The following IGF2BP1 variants were observed in gnomAD, a reference collection of about 807,000 sequenced individuals.
IGF2BP1 encodes the protein insulin-like growth factor 2 mRNA-binding protein 1.
A neutral mutation model predicts 74.9 loss-of-function variants in IGF2BP1; 11 were observed. The observed-to-expected ratio is 0.15, with a 90% CI of 0.09 to 0.24. The LOEUF (loss-of-function observed/expected upper bound fraction) is 0.24, where lower values mean the gene tolerates loss of function less well. Ranked by LOEUF, IGF2BP1 falls within the 10% of genes least tolerant of loss-of-function variation. The probability of loss-of-function intolerance (pLI) is 1.00; values close to 1 mark genes in which losing one functional copy is unlikely to be tolerated. For missense variants in IGF2BP1, 440 were observed against 757.4 expected (o/e 0.58, Z 4.92); for synonymous variants, 287 against 281.8 (o/e 1.02, Z -0.18).
At chr17:49,026,596 T>C (rs2041856878) in intron 4 of IGF2BP1, 79 bp downstream of exon 4, 1 of 1,217,096 alleles carries the variant, frequency 8.2e-7, no homozygotes, top group East Asian at 2.4e-5. Context: ...CTTCACTTTG[T>C]TTCTTTCTTT....
intron 5 of IGF2BP1, among the ~76,000 whole-genome samples, chr17:49,034,763 A>C (rs868799870): frequency 1.0e-4 from 14 of 139,750 alleles, no homozygotes; most frequent in South Asian, 4.9e-4. Context: ...AAACAAAAAA[A>C]ACAAAAAAAA....
chr17:49,019,969 C>T (rs2041768199), intron 2 of IGF2BP1, among the ~76,000 whole-genome samples: 1 of 92,628 alleles, frequency 1.1e-5, no homozygotes, highest in African/African-American at 5.3e-5. Context: ...CACACACACA[C>T]ACACACATAC....
intron 6 of IGF2BP1, 122 bp downstream of exon 6, chr17:49,038,571 A>G (rs904596684): frequency 2.9e-6 from 3 of 1,050,252 alleles, no homozygotes; most frequent in Non-Finnish European, 3.8e-6. Flanking sequence ...TGTTGCCTGG[A>G]GCATTCAGGG....
At chr17:49,047,650 G>A (rs1357316086) in intron 14 of IGF2BP1, among the ~76,000 whole-genome samples, 1 of 151,764 alleles carries the variant, frequency 6.6e-6, no homozygotes, top group Non-Finnish European at 1.5e-5. Context: ...CATCAAGCCA[G>A]GGTTGATGGA....
At chr17:49,037,781 T>G (rs2042006323) in intron 5 of IGF2BP1, among the ~76,000 whole-genome samples, 1 of 152,172 alleles carries the variant, frequency 6.6e-6, no homozygotes, top group African/African-American at 2.4e-5. Flanking sequence ...TTGTGGAGCC[T>G]CTTCAGGTCT....
intron 2 of IGF2BP1, among the ~76,000 whole-genome samples, chr17:48,999,953 TGTGTGTGTGTTC>T (rs894702451): frequency 4.6e-5 from 7 of 151,508 alleles, no homozygotes; most frequent in African/African-American, 9.7e-5. Flanking sequence ...TGTGTGTGTG[TGTGTGTGTGTTC>T]GTGTGTGTTC....
chr17:49,021,002 G>A (rs560259272), intron 2 of IGF2BP1, among the ~76,000 whole-genome samples: 7 of 151,150 alleles, frequency 4.6e-5, no homozygotes, highest in Admixed American at 1.3e-4. Context: ...GGAGCCAGGC[G>A]TGATGGCGCA....
chr17:49,007,825 T>TC (rs1309960592), intron 2 of IGF2BP1, among the ~76,000 whole-genome samples: 2 of 152,288 alleles, frequency 1.3e-5, no homozygotes, highest in African/African-American at 2.4e-5. Context: ...GGAGGAGAAC[T>TC]CCAACTGTAA....
chr17:49,014,989 G>A, intron 2 of IGF2BP1: 1 of 969,342 alleles, frequency 1.0e-6, no homozygotes. Context: ...CTGGGCACCA[G>A]CTCCATCCTC....
At chr17:49,032,536 CAG>C (rs2041937014) in intron 5 of IGF2BP1, among the ~76,000 whole-genome samples, 1 of 152,190 alleles carries the variant, frequency 6.6e-6, no homozygotes, top group African/African-American at 2.4e-5. Flanking sequence ...CTGTTACAGA[CAG>C]ACTATACATT....
intron 2 of IGF2BP1, among the ~76,000 whole-genome samples, chr17:49,009,535 C>G (rs2143952070): frequency 6.6e-6 from 1 of 150,870 alleles, no homozygotes; most frequent in East Asian, 2.0e-4. Flanking sequence ...CATTTGAAAC[C>G]CTGTCTCTAA....
intron 14 of IGF2BP1, among the ~76,000 whole-genome samples, chr17:49,046,814 C>T (rs1421431803): frequency 2.0e-5 from 3 of 152,112 alleles, no homozygotes; most frequent in East Asian, 1.9e-4. Context: ...CTCTGCCTTT[C>T]GCAGAATGGC....
chr17:49,025,064 C>T (rs2041834608), intron 2 of IGF2BP1, among the ~76,000 whole-genome samples: 1 of 152,086 alleles, frequency 6.6e-6, no homozygotes, highest in Non-Finnish European at 1.5e-5. Flanking sequence ...TGGTAGTGCA[C>T]ACCTGTAATC....
rs1337576688 is a variant in IGF2BP1 at position 49,041,427 on chromosome 17, C to T, written c.868C>T (p.Arg290Cys). 1 of 1,613,852 alleles carries T rather than the reference C, an allele frequency of 6.2e-7. No individual in the cohort carries two copies. The highest frequency in any genetic ancestry group is 8.5e-7 in the Non-Finnish European group (1 of 1,179,924). Residue 290 changes from arginine to cysteine, a missense_variant, in exon 8 of 15, where the codon CGT (arginine) becomes TGT (cysteine). Transcript: ENST00000290341. ...CCTGGCCCATAATAACTTTGTAGGG[C>T]GTCTCATTGGCAAGGAAGGACGGAA... The part of the protein sequence containing the change: ...KILAHNNFVG[R>C]LIGKEGRNLK...
At chr17:49,025,557 A>G in intron 2 of IGF2BP1, 61 bp from the exon 3 acceptor site, 1 of 1,429,060 alleles carries the variant, frequency 7.0e-7, no homozygotes. Context: ...AGAAACTGCG[A>G]GTTCACAGAC....
intron 4 of IGF2BP1, among the ~76,000 whole-genome samples, chr17:49,027,748 A>G (rs2041874785): frequency 7.0e-6 from 1 of 142,086 alleles, no homozygotes; most frequent in African/African-American, 2.6e-5. Flanking sequence ...GCTACTTGGG[A>G]GGCTGAGGCA....
chr17:49,016,128 G>C (rs558595100), intron 2 of IGF2BP1, among the ~76,000 whole-genome samples: 1 of 152,170 alleles, frequency 6.6e-6, no homozygotes, highest in Non-Finnish European at 1.5e-5. Context: ...TTCTGACGTC[G>C]GGGCTGTTCA....
At chr17:49,034,128 T>C (rs1477635651) in intron 5 of IGF2BP1, among the ~76,000 whole-genome samples, 4 of 146,892 alleles carry the variant, frequency 2.7e-5, no homozygotes, top group African/African-American at 1.1e-4. Flanking sequence ...TTTTTTTTTT[T>C]TTTTTTTGAG....
chr17:49,033,694 T>C (rs2041950119), intron 5 of IGF2BP1, among the ~76,000 whole-genome samples: 1 of 152,202 alleles, frequency 6.6e-6, no homozygotes, highest in African/African-American at 2.4e-5. Context: ...ATGATGCTTG[T>C]GCCCTCCCTT....
Sources: gnomAD v4.1 joint callset for allele counts (sites outside exome capture counted in the v4.1 genomes callset) on GRCh38, gnomAD v4.1.1 for gene constraint, MANE v1.5 for transcripts, NCBI Gene and HGNC (gene_info 2026-07-23, HGNC 2026-07-21) for gene names.